The following ASRGL1 variants were observed in gnomAD, a reference collection of about 807,000 sequenced individuals.
The protein encoded by ASRGL1 is isoaspartyl peptidase/L-asparaginase.
ASRGL1 carries 16 observed loss-of-function variants against 22.4 expected under a neutral mutation model. That is an observed-to-expected ratio of 0.71 (90% confidence interval 0.48 to 1.08). ASRGL1 has a LOEUF of 1.08. ASRGL1 is among the 50% of genes least tolerant of loss of function. ASRGL1 has a pLI of 0.00. For missense variants in ASRGL1, 412 were observed against 410.1 expected (o/e 1.00, Z -0.04); for synonymous variants, 165 against 159.3 (o/e 1.04, Z -0.27).
intron 5 of ASRGL1, 47 bp from the exon 6 acceptor site, chr11:62,391,475 G>C: frequency 6.4e-7 from 1 of 1,562,178 alleles, no homozygotes; most frequent in Non-Finnish European, 8.7e-7. Flanking sequence ...ATATGGATTT[G>C]AATTTCTTGA....
chr11:62,337,877 A>G lies in ASRGL1; in HGVS notation c.-88-13A>G, dbSNP rs1945761423. On this transcript the variant is annotated splice_polypyrimidine_tract_variant and intron_variant, in intron 1 of 6. Coordinates refer to ENST00000415229, the MANE Select transcript of ASRGL1 (RefSeq NM_001083926.2). ...CAGCCGTTCAGAACAGAGACTGGGC[A>G]TTGTCCCCACAGGGTCTCCCGAGGA... 7.8e-7 allele frequency: 1 copy of G among 1,277,098 alleles called. No homozygotes were observed. Among genetic ancestry groups the G allele is most frequent in the African/African-American group, 1.5e-5 (1 of 67,468 alleles). 79.1% of individuals were successfully genotyped at this position (1,277,098 alleles called of 1,614,324 possible).
rs4340061 is a variant in ASRGL1 at position 62,362,159 on chromosome 11, A to G, written c.491+5015A>G. Among the ~76,000 whole-genome samples the G allele has an allele frequency of 9.7e-3, 1,475 of 152,142 alleles. 29 individuals are homozygous for G. The highest frequency in any genetic ancestry group is 0.031 in the African/African-American group (1,285 of 41,494). On this transcript the variant is annotated intron_variant, in intron 4 of 6. Transcript: ENST00000415229. ...TGACCTCCACTGTGCCACTAATGGTAGTGCTTTGGAACAATAGAGGGAATA... is the reference window on the plus strand; with the variant it reads ...TGACCTCCACTGTGCCACTAATGGTGGTGCTTTGGAACAATAGAGGGAATA...
intron 2 of ASRGL1, among the ~76,000 whole-genome samples, chr11:62,355,154 G>A (rs1466738239): frequency 6.6e-6 from 1 of 152,072 alleles, no homozygotes; most frequent in Non-Finnish European, 1.5e-5. Context: ...CTGACCTCGA[G>A]TGATCCGCCT....
intron 2 of ASRGL1, among the ~76,000 whole-genome samples, chr11:62,342,237 AAAACAC>A (rs1945882606): frequency 6.6e-6 from 1 of 152,226 alleles, no homozygotes. Context: ...GAGATAGGTA[AAAACAC>A]CTTTAAATAA....
chr11:62,338,893 C>T (rs190092945), intron 2 of ASRGL1, among the ~76,000 whole-genome samples: 2 of 135,870 alleles, frequency 1.5e-5, no homozygotes, highest in South Asian at 4.6e-4. Flanking sequence ...TGCAGTGAGC[C>T]GAGATCACTC....
intron 4 of ASRGL1, chr11:62,372,833 G>T (rs1426672387): frequency 1.2e-6 from 2 of 1,602,436 alleles, no homozygotes; most frequent in African/African-American, 2.7e-5. Context: ...TTTTCTGGGG[G>T]GCCACCAACA....
chr11:62,343,342 C>G (rs1425454461), intron 2 of ASRGL1, among the ~76,000 whole-genome samples: 3 of 144,426 alleles, frequency 2.1e-5, no homozygotes, highest in South Asian at 4.4e-4. Context: ...CGTGCCACTG[C>G]ACTCCAGCCT....
chr11:62,372,431 AC>A, intron 4 of ASRGL1: 1 of 1,553,452 alleles, frequency 6.4e-7, no homozygotes, highest in South Asian at 1.1e-5. Context: ...TGCAAAGGAA[AC>A]CTCTATTCCT....
chr11:62,354,579 T>C (rs575781020), intron 2 of ASRGL1, among the ~76,000 whole-genome samples: 1 of 152,222 alleles, frequency 6.6e-6, no homozygotes, highest in African/African-American at 2.4e-5. Flanking sequence ...GAGGTGCTAC[T>C]GCAGCTGATC....
chr11:62,384,905 A>G (rs1024944969), intron 4 of ASRGL1, among the ~76,000 whole-genome samples: 186 of 134,072 alleles, frequency 1.4e-3, no homozygotes, highest in African/African-American at 4.7e-3. Flanking sequence ...GCCACAGAGC[A>G]AGACTGTCTC....
At chr11:62,362,605 AAAAT>A (rs1309047089) in intron 4 of ASRGL1, among the ~76,000 whole-genome samples, 2 of 32,664 alleles carry the variant, frequency 6.1e-5, no homozygotes, top group Non-Finnish European at 1.5e-4. Context: ...TATATTATAT[AAAAT>A]ATATATTATA....
chr11:62,396,277 G>T (rs1453388929), downstream of ASRGL1, among the ~76,000 whole-genome samples: 1 of 151,868 alleles, frequency 6.6e-6, no homozygotes, highest in Non-Finnish European at 1.5e-5. Context: ...GGTGGTGGGG[G>T]TGCCCATTAG....
At chr11:62,375,931 G>A (rs547818265) in intron 4 of ASRGL1, among the ~76,000 whole-genome samples, 24 of 151,744 alleles carry the variant, frequency 1.6e-4, no homozygotes, top group Admixed American at 4.6e-4. Context: ...GTGAAACCCC[G>A]TCTCTACTAA....
At position 62,372,143 on chromosome 11, in the gene ASRGL1, G is replaced by A; in HGVS notation, c.491+14999G>A. On this transcript the variant is annotated intron_variant, in intron 4 of 6. Transcript: ENST00000415229. ...AAAGCTGTGGAGCTGGGGTCGAAAT[G>A]AGAAGGCGCAGCTGGGACATGGTGA... is the stretch of plus-strand genomic sequence containing the variant. The A allele has an allele frequency of 5.8e-6, 5 of 865,160 alleles. No individual in the cohort carries two copies. In the South Asian group the frequency reaches 6.7e-5, roughly 12 times the overall value. 53.6% of individuals were successfully genotyped at this position (865,160 alleles called of 1,614,324 possible). A position where few individuals can be genotyped will look rare whatever the true frequency, so the allele number is the denominator to read the frequency against.
At position 62,389,229 on chromosome 11, in the gene ASRGL1, C is replaced by T. The variant is rs200902383; in HGVS notation, c.588C>T (p.Arg196=). 11 of 1,614,074 alleles carry T rather than the reference C, an allele frequency of 6.8e-6. No homozygotes were observed. The East Asian group carries it at 1.1e-4, about 16-fold the overall frequency. ...TGGIVNKMVG[R]VGDSPCLGAG... ...GTATCGTTAATAAAATGGTCGGCCG[C>T]GTTGGGGACTCACCGTGTCTAGGTA... Residue 196 remains arginine, a synonymous_variant, in exon 5 of 7, where the codon CGC becomes CGT. Transcript: ENST00000415229.
rs188188409 is a variant in ASRGL1 at position 62,388,418 on chromosome 11, G to C, written c.492-715G>C. Among the ~76,000 whole-genome samples, 453 of 152,248 alleles carry C rather than the reference G, an allele frequency of 3.0e-3. 1 individual carries two copies. Among genetic ancestry groups the C allele is most frequent in the African/African-American group, 0.01 (429 of 41,542 alleles). ...ACAGTGGCTCACGCCTGTAACCCCA[G>C]CACTTTGGGAGTCCAAGGCAGGCGT... On this transcript the variant is annotated intron_variant, in intron 4 of 6. Coordinates refer to ENST00000415229, the MANE Select transcript of ASRGL1 (RefSeq NM_001083926.2).
intron 4 of ASRGL1, among the ~76,000 whole-genome samples, chr11:62,383,602 C>CAAAACAAAAAAAA (rs1947127789): frequency 4.6e-5 from 1 of 21,900 alleles, no homozygotes; most frequent in Non-Finnish European, 7.3e-5. Flanking sequence ...GACTCCTACT[C>CAAAACAAAAAAAA]AAAAAAAAAA....
intron 4 of ASRGL1, chr11:62,372,705 C>A: frequency 7.5e-7 from 1 of 1,338,060 alleles, no homozygotes; most frequent in Non-Finnish European, 1.1e-6. Flanking sequence ...CTACACAGAG[C>A]AGAAGGATGA....
chr11:62,362,538 TA>T lies in ASRGL1; in HGVS notation c.491+5395del, dbSNP rs1437058751. 1.2e-4 allele frequency among the ~76,000 whole-genome samples: 6 copies of T among 49,074 alleles called. No individual in the cohort carries two copies. In the South Asian group the frequency reaches 1.7e-3, roughly 14 times the overall value. 32.2% of individuals were successfully genotyped at this position (49,074 alleles called of 152,430 possible). ...TATATTATTTATATAATATATATTA[TA>T]TAAAATATATAACATATATTATTTA... On this transcript the variant is annotated intron_variant, in intron 4 of 6. Transcript: ENST00000415229.
Sources: allele counts gnomAD v4.1 joint callset (sites outside exome capture counted in the v4.1 genomes callset), GRCh38; gene constraint gnomAD v4.1.1; transcripts MANE v1.5; gene names NCBI Gene and HGNC (gene_info 2026-07-23, HGNC 2026-07-21).